Variants in SGPP2 observed in about 807,000 individuals in gnomAD.
The protein encoded by SGPP2 is sphingosine-1-phosphate phosphatase 2, also known as sphingosine 1-phosphate phosphohydrolase 2.
In SGPP2, 30 loss-of-function variants were observed where a neutral mutation model predicts 33.9. The ratio of observed to expected loss-of-function variants is 0.89; its 90% confidence interval spans 0.66 to 1.20. The LOEUF (loss-of-function observed/expected upper bound fraction) is 1.20, where lower values mean the gene tolerates loss of function less well. SGPP2 is among the 50% of genes most tolerant of loss of function. SGPP2 has a pLI of 0.00. For missense variants in SGPP2, 458 were observed against 532.1 expected (o/e 0.86, Z 1.37); for synonymous variants, 233 against 225.0 (o/e 1.04, Z -0.32).
rs1306968136 is a variant in SGPP2 at position 222,559,159 on chromosome 2, G to GCCCC, written c.*262_*263insCCCC. ...ATCCGGATCTTTAAAGGCACACACCGCGCCCCCCCCCCCCCCGCCCGGCCC... is the reference window on the plus strand; with the variant it reads ...ATCCGGATCTTTAAAGGCACACACCGCCCCCGCCCCCCCCCCCCCCGCCCGGCCC... On this transcript the variant is annotated 3_prime_UTR_variant, in exon 5 of 5. Coordinates refer to ENST00000321276, the MANE Select transcript of SGPP2 (RefSeq NM_152386.4). The GCCCC allele has an allele frequency of 1.2e-4, 3 of 25,566 alleles. No individual in the cohort carries two copies. Among genetic ancestry groups the GCCCC allele is most frequent in the Admixed American group, 4.6e-4 (1 of 2,180 alleles). 1.6% of individuals were successfully genotyped at this position (25,566 alleles called of 1,614,324 possible).
chr2:222,425,373 A>G (rs1435226336), intron 1 of SGPP2, among the ~76,000 whole-genome samples: 1 of 152,134 alleles, frequency 6.6e-6, no homozygotes, highest in Non-Finnish European at 1.5e-5. Context: ...CCCGGCGATG[A>G]TGTCTTAACA....
chr2:222,481,401 A>AT (rs1052807636), intron 2 of SGPP2, among the ~76,000 whole-genome samples: 3 of 151,960 alleles, frequency 2.0e-5, no homozygotes, highest in Admixed American at 1.3e-4. Flanking sequence ...AGGGGCTTTC[A>AT]TTTTTTATTG....
At chr2:222,462,361 G>A (rs1307294936) in intron 1 of SGPP2, among the ~76,000 whole-genome samples, 1 of 152,138 alleles carries the variant, frequency 6.6e-6, no homozygotes, top group Non-Finnish European at 1.5e-5. Flanking sequence ...AAAGTGAGCA[G>A]GGAGTAAGCA....
chr2:222,476,272 G>A lies in SGPP2; in HGVS notation c.378+1546G>A, dbSNP rs930353339. 3.3e-5 allele frequency among the ~76,000 whole-genome samples: 5 copies of A among 152,092 alleles called. No homozygotes were observed. Among genetic ancestry groups the A allele is most frequent in the African/African-American group, 1.2e-4 (5 of 41,394 alleles). Reference sequence around the variant, plus strand: ...TAAATTCGAATGTTCTCAGGGGCAGGGGACAGAAATAAAGCAGCAATGTCC... The same window carrying A: ...TAAATTCGAATGTTCTCAGGGGCAGAGGACAGAAATAAAGCAGCAATGTCC... On this transcript the variant is annotated intron_variant, in intron 2 of 4. Coordinates refer to ENST00000321276, the MANE Select transcript of SGPP2 (RefSeq NM_152386.4). The surrounding 1 kb of genome is among the most constrained non-coding windows in gnomAD (Gnocchi z 4.3).
intron 4 of SGPP2, among the ~76,000 whole-genome samples, chr2:222,538,511 C>T (rs557759232): frequency 1.4e-4 from 21 of 152,226 alleles, no homozygotes; most frequent in Admixed American, 7.8e-4. Flanking sequence ...ACAGCAGTCC[C>T]GGGAGATTCT....
chr2:222,520,485 C>T (rs1303231686), intron 2 of SGPP2, among the ~76,000 whole-genome samples: 2 of 152,144 alleles, frequency 1.3e-5, no homozygotes, highest in Non-Finnish European at 2.9e-5. Flanking sequence ...AATCCCAGCA[C>T]TTTGGGAGGC....
chr2:222,480,582 A>G (rs1698013978), intron 2 of SGPP2, among the ~76,000 whole-genome samples: 1 of 152,246 alleles, frequency 6.6e-6, no homozygotes. Flanking sequence ...CCACTAGGAA[A>G]TCATAAGCCT....
Position 222,469,373 on chromosome 2 carries a change from CAG to C in SGPP2, c.220-5194_220-5193del, listed in dbSNP as rs374727650. Among the ~76,000 whole-genome samples the C allele has an allele frequency of 8.4e-4, 128 of 152,172 alleles. 1 individual carries two copies. The highest frequency in any genetic ancestry group is 2.9e-3 in the African/African-American group (121 of 41,436). On this transcript the variant is annotated intron_variant, in intron 1 of 4. Transcript: ENST00000321276. ...TAATTTGTTGTATTTTTAGTACAGA[CAG>C]GGTTTCACCATCTTGGCCAGGCTGG...
chr2:222,494,601 C>T (rs756992694), intron 2 of SGPP2, among the ~76,000 whole-genome samples: 11 of 152,186 alleles, frequency 7.2e-5, no homozygotes, highest in African/African-American at 2.2e-4. Flanking sequence ...CTTGGCCCTG[C>T]GTGTGCAGTT....
At chr2:222,428,324 T>TG (rs1439606767) in intron 1 of SGPP2, among the ~76,000 whole-genome samples, 2 of 152,332 alleles carry the variant, frequency 1.3e-5, no homozygotes, top group Middle Eastern at 3.4e-3. Flanking sequence ...AAAGGTGTGA[T>TG]GAGAATTTCA....
intron 2 of SGPP2, among the ~76,000 whole-genome samples, chr2:222,512,621 C>G (rs1698546180): frequency 6.6e-6 from 1 of 152,180 alleles, no homozygotes; most frequent in Non-Finnish European, 1.5e-5. Context: ...TTTCTCTGTG[C>G]TCTGCCTGTT....
chr2:222,499,967 T>G (rs552203023), intron 2 of SGPP2, among the ~76,000 whole-genome samples: 157 of 152,254 alleles, frequency 1.0e-3, no homozygotes, highest in Middle Eastern at 3.4e-3. Flanking sequence ...TGACTAGAAG[T>G]ACAGCTGAAC....
chr2:222,497,255 T>A (rs1698295060), intron 2 of SGPP2, among the ~76,000 whole-genome samples: 1 of 148,398 alleles, frequency 6.7e-6, no homozygotes. Flanking sequence ...TTCTTCTTTT[T>A]TTTTTTTTTT....
At position 222,552,402 on chromosome 2, in the gene SGPP2, T is replaced by C. The variant is rs1689308000; in HGVS notation, c.649-5945T>C. ...TTTTTAATTTTTTTATTATGGCCAT[T>C]GTTGCATGAGTAAGGTGGTATTGCA... On this transcript the variant is annotated intron_variant, in intron 4 of 4. Transcript: ENST00000321276. Among the ~76,000 whole-genome samples, 3 of 152,244 alleles carry C rather than the reference T, an allele frequency of 2.0e-5. No individual in the cohort carries two copies. The South Asian group carries it at 6.2e-4, about 32-fold the overall frequency.
chr2:222,503,209 G>A (rs540436278), intron 2 of SGPP2, among the ~76,000 whole-genome samples: 11 of 152,304 alleles, frequency 7.2e-5, no homozygotes, highest in Non-Finnish European at 1.3e-4. Context: ...ACCAAAAAGG[G>A]TGAAAACCAA....
rs967505989 is a variant in SGPP2 at position 222,460,751 on chromosome 2, G to C, written c.220-13817G>C. 5.3e-5 allele frequency among the ~76,000 whole-genome samples: 8 copies of C among 152,134 alleles called. No homozygotes were observed. The highest frequency in any genetic ancestry group is 1.9e-4 in the African/African-American group (8 of 41,434). ...CTGTCGTGGACCAGGTACTGTTTCA[G>C]GAACACGGTGCCTCACAGCTTCCAT... On this transcript the variant is annotated intron_variant, in intron 1 of 4. Transcript: ENST00000321276. This position sits in a 1 kb window ranked among gnomAD's most constrained non-coding sequence, Gnocchi z 4.3.
chr2:222,543,298 GTTACCCGTTATCCTT>G (rs1699024276), intron 4 of SGPP2, among the ~76,000 whole-genome samples: 1 of 152,094 alleles, frequency 6.6e-6, no homozygotes, highest in Non-Finnish European at 1.5e-5. Context: ...TATTGAAAGG[GTTACCCGTTATCCTT>G]TAACAGAAAC....
chr2:222,474,778 C>T, intron 2 of SGPP2, 52 bp downstream of exon 2: 4 of 1,427,346 alleles, frequency 2.8e-6, no homozygotes, highest in South Asian at 2.6e-5. Context: ...ACAACTACTT[C>T]CTTTGATACT....
chr2:222,426,285 T>A (rs1482805354), intron 1 of SGPP2, among the ~76,000 whole-genome samples: 1 of 149,792 alleles, frequency 6.7e-6, no homozygotes, highest in Non-Finnish European at 1.5e-5. Flanking sequence ...GGCTGAAACG[T>A]GCCGTGACAT....
Sources: gnomAD v4.1 joint callset for allele counts (sites outside exome capture counted in the v4.1 genomes callset) on GRCh38, gnomAD v4.1.1 for gene constraint, Gnocchi (gnomAD v3.1) non-coding constraint, MANE v1.5 for transcripts, NCBI Gene and HGNC (gene_info 2026-07-23, HGNC 2026-07-21) for gene names.